Variants in IQGAP2 observed in about 807,000 individuals in gnomAD.
IQGAP2 encodes ras GTPase-activating-like protein IQGAP2.
In IQGAP2, 173 loss-of-function variants were observed where a neutral mutation model predicts 201.3. The observed-to-expected ratio is 0.86, with a 90% CI of 0.76 to 0.98. The LOEUF is 0.98. IQGAP2 is among the 50% of genes least tolerant of loss of function. The pLI is 0.00. For synonymous variants in IQGAP2, 675 were observed against 673.9 expected (o/e 1.00, Z -0.03); for missense variants, 1,687 against 1,864.8 (o/e 0.90, Z 1.76).
At position 76,638,852 on chromosome 5, in the gene IQGAP2, G is replaced by A. The variant is rs531354033; in HGVS notation, c.1923+1676G>A. On this transcript the variant is annotated intron_variant, in intron 16 of 35. Coordinates refer to ENST00000274364, the MANE Select transcript of IQGAP2 (RefSeq NM_006633.5). ...AACAGGTAGTGAGGTAGATCTTGCC[G>A]AATGGCCTTGTTTGTGAGGTGGTTC... is the stretch of plus-strand genomic sequence containing the variant. 2.0e-4 allele frequency among the ~76,000 whole-genome samples: 30 copies of A among 152,320 alleles called. No homozygotes were observed. The South Asian group carries it at 2.3e-3, about 12-fold the overall frequency.
At chr5:76,663,833 C>T (rs892439299) in intron 21 of IQGAP2, among the ~76,000 whole-genome samples, 2 of 152,180 alleles carry the variant, frequency 1.3e-5, no homozygotes, top group African/African-American at 2.4e-5. Context: ...ACACTTGGCC[C>T]GCTTCCAACT....
intron 13 of IQGAP2, among the ~76,000 whole-genome samples, chr5:76,626,265 C>CTTTTT (rs1750218703): frequency 3.5e-5 from 2 of 57,480 alleles, no homozygotes; most frequent in Non-Finnish European, 6.7e-5. Flanking sequence ...TTTTTTTCTT[C>CTTTTT]TTTTCTTTTT....
intron 2 of IQGAP2, among the ~76,000 whole-genome samples, chr5:76,496,790 T>TTTCTTTCTTTCA (rs1757010872): frequency 2.2e-5 from 3 of 139,382 alleles, no homozygotes. Context: ...TCTTTCTTTC[T>TTTCTTTCTTTCA]TTCTCTTTCT....
At chr5:76,619,761 G>A (rs960150979) in intron 13 of IQGAP2, among the ~76,000 whole-genome samples, 64 of 152,110 alleles carry the variant, frequency 4.2e-4, no homozygotes, top group Non-Finnish European at 5.3e-4. Context: ...CTCGTGATCT[G>A]CCCGCCTCGG....
chr5:76,654,395 C>A, intron 19 of IQGAP2, 124 bp downstream of exon 19: 1 of 612,850 alleles, frequency 1.6e-6, no homozygotes, highest in Non-Finnish European at 2.8e-6. Flanking sequence ...AATAATGGAT[C>A]TTAGAACTTC....
At chr5:76,525,696 G>A (rs1758930087) in intron 2 of IQGAP2, among the ~76,000 whole-genome samples, 1 of 152,162 alleles carries the variant, frequency 6.6e-6, no homozygotes, top group African/African-American at 2.4e-5. Flanking sequence ...CATAAAATAA[G>A]CTGGACTACA....
intron 1 of IQGAP2, among the ~76,000 whole-genome samples, chr5:76,450,931 C>T (rs529436632): frequency 9.1e-4 from 138 of 151,666 alleles, no homozygotes; most frequent in African/African-American, 3.3e-3. Flanking sequence ...TTAAATTGCC[C>T]TGAATCATGT....
At chr5:76,570,826 C>G (rs145158656) in intron 4 of IQGAP2, among the ~76,000 whole-genome samples, 169 bp downstream of exon 4, 1 of 152,272 alleles carries the variant, frequency 6.6e-6, no homozygotes, top group Non-Finnish European at 1.5e-5. Flanking sequence ...GGCAAGAACT[C>G]AGAATGAGGG....
chr5:76,666,031 A>G (rs879478989), intron 22 of IQGAP2, among the ~76,000 whole-genome samples: 2 of 152,196 alleles, frequency 1.3e-5, no homozygotes, highest in African/African-American at 2.4e-5. Flanking sequence ...TTGTTTGAGG[A>G]TGTCACTGGC....
chr5:76,680,734 T>C (rs1027774340), intron 28 of IQGAP2, among the ~76,000 whole-genome samples: 1 of 147,080 alleles, frequency 6.8e-6, no homozygotes, highest in Non-Finnish European at 1.5e-5. Flanking sequence ...GAGGCTGCAG[T>C]GAGCCATGAT....
At chr5:76,498,155 A>G (rs536495915) in intron 2 of IQGAP2, among the ~76,000 whole-genome samples, 175 of 152,356 alleles carry the variant, frequency 1.1e-3, no homozygotes, top group African/African-American at 4.1e-3. Flanking sequence ...GTGATTGTGC[A>G]TGACATACAT....
chr5:76,423,867 T>C (rs1751860755), intron 1 of IQGAP2, among the ~76,000 whole-genome samples: 1 of 152,218 alleles, frequency 6.6e-6, no homozygotes, highest in Admixed American at 6.5e-5. Flanking sequence ...ACTTAAAGTG[T>C]ATTCAGCACA....
At chr5:76,642,803 G>A (rs1304922652) in intron 17 of IQGAP2, among the ~76,000 whole-genome samples, 1 of 152,112 alleles carries the variant, frequency 6.6e-6, no homozygotes, top group African/African-American at 2.4e-5. Flanking sequence ...GCTATACTCC[G>A]GCTACACCAC....
chr5:76,481,193 T>A (rs1022978897), intron 2 of IQGAP2, among the ~76,000 whole-genome samples: 9 of 152,126 alleles, frequency 5.9e-5, no homozygotes, highest in Admixed American at 5.9e-4. Flanking sequence ...CAGCCTTATA[T>A]GGGAACTGAC....
intron 35 of IQGAP2, 148 bp from the exon 36 acceptor site, chr5:76,707,052 T>G: frequency 1.7e-6 from 1 of 596,762 alleles, no homozygotes; most frequent in Admixed American, 3.0e-5. Context: ...AAGCCAGGAG[T>G]TTGAGACCAA....
chr5:76,558,145 A>G (rs1375795675), intron 2 of IQGAP2, among the ~76,000 whole-genome samples: 1 of 152,194 alleles, frequency 6.6e-6, no homozygotes, highest in Non-Finnish European at 1.5e-5. Context: ...ATATCCTAAT[A>G]TAGACAAAAA....
At position 76,475,452 on chromosome 5, in the gene IQGAP2, C is replaced by G. The variant is rs79920242; in HGVS notation, c.146+13783C>G. 2.1e-3 allele frequency among the ~76,000 whole-genome samples: 325 copies of G among 152,250 alleles called. 2 individuals are homozygous for G. Among genetic ancestry groups the G allele is most frequent in the African/African-American group, 7.6e-3 (314 of 41,542 alleles). On this transcript the variant is annotated intron_variant, in intron 2 of 35. Transcript: ENST00000274364. The stretch of plus-strand genomic sequence containing the variant: ...CCCCAAAATACAGCATTTTGACATT[C>G]CAAACTGAAGAAGCTTCAAGGTGTC...
chr5:76,451,806 AGGCAGATCACTTGC>A (rs1753767356), intron 1 of IQGAP2, among the ~76,000 whole-genome samples: 1 of 152,220 alleles, frequency 6.6e-6, no homozygotes, highest in Admixed American at 6.5e-5. Context: ...AGGCCAAGGC[AGGCAGATCACTTGC>A]GGCCAGGAGT....
chr5:76,631,518 A>G (rs1750700784), intron 14 of IQGAP2, among the ~76,000 whole-genome samples: 1 of 152,200 alleles, frequency 6.6e-6, no homozygotes, highest in Non-Finnish European at 1.5e-5. Flanking sequence ...TCTCAAATAC[A>G]TGCTAATGCC....
Sources: gnomAD v4.1 joint callset for allele counts (sites outside exome capture counted in the v4.1 genomes callset) on GRCh38, gnomAD v4.1.1 for gene constraint, MANE v1.5 for transcripts, NCBI Gene and HGNC (gene_info 2026-07-23, HGNC 2026-07-21) for gene names.